Variants in GEN1 observed in about 807,000 individuals in gnomAD.
GEN1 encodes the protein GEN1 structure-specific endonuclease.
Under a neutral mutation model 67.6 loss-of-function variants are expected in GEN1, and 64 were observed. That is an observed-to-expected ratio of 0.95 (90% CI 0.77 to 1.17). GEN1 has a LOEUF of 1.17. Among genes scored for constraint, GEN1 ranks in the 50% most tolerant of loss-of-function variants. GEN1 has a pLI of 0.00. For synonymous variants in GEN1, 371 were observed against 359.4 expected (o/e 1.03, Z -0.37); for missense variants, 1,058 against 1,048.3 (o/e 1.01, Z -0.13).
chr2:17,760,082 A>G lies in GEN1; in HGVS notation c.139A>G (p.Ser47Gly). ...EAQTVKKMMG[S>G]VMKPHLRNLF... ...ACAGACAGTCAAAAAAATGATGGGC[A>G]GCGTCATGAAGCCCCACCTCAGGTA... Residue 47 changes from serine (S) to glycine (G), a missense_variant, in exon 2 of 14, where the codon AGC becomes GGC. Coordinates refer to ENST00000381254, the MANE Select transcript of GEN1 (RefSeq NM_001130009.3). 1 of 1,614,160 alleles carries G rather than the reference A, an allele frequency of 6.2e-7. No homozygotes were observed. The highest frequency in any genetic ancestry group is 8.5e-7 in the Non-Finnish European group (1 of 1,180,008).
chr2:17,787,016 A>G lies in GEN1; in HGVS notation c.*5077A>G, dbSNP rs1673080930. The G allele has an allele frequency of 1.3e-5, 2 of 152,226 alleles. No homozygotes were observed. The highest frequency in any genetic ancestry group is 6.5e-5 in the Admixed American group (1 of 15,278). The allele number at this position is 152,226 out of a possible 1,614,324, so 9.4% of individuals were successfully genotyped here. On this transcript the variant is annotated 3_prime_UTR_variant, in exon 14 of 14. Coordinates refer to ENST00000381254, the MANE Select transcript of GEN1 (RefSeq NM_001130009.3). ...TCTTCAGCTTCATGCATTCATAGTC[A>G]TGAACCTTGGCTCTAGCCACCTAAG...
rs1673060700 is a variant in GEN1 at position 17,786,394 on chromosome 2, A to G, written c.*4455A>G. ...ACTCTAGATTAGCATCACACAAGGGATCCTAACGTGGCATTTGAGCTACTG... is the reference window on the plus strand; with the variant it reads ...ACTCTAGATTAGCATCACACAAGGGGTCCTAACGTGGCATTTGAGCTACTG... On this transcript the variant is annotated 3_prime_UTR_variant, in exon 14 of 14. Coordinates refer to ENST00000381254, the MANE Select transcript of GEN1 (RefSeq NM_001130009.3). 6.6e-6 allele frequency: 1 copy of G among 152,182 alleles called. No individual in the cohort carries two copies. The highest frequency in any genetic ancestry group is 2.1e-4 in the South Asian group (1 of 4,828). The allele number at this position is 152,182 out of a possible 1,614,324, so 9.4% of individuals were successfully genotyped here.
rs897937340 is a variant in GEN1 at position 17,785,034 on chromosome 2, A to T, written c.*3095A>T. The T allele has an allele frequency of 6.6e-6, 1 of 152,254 alleles. No homozygotes were observed. The highest frequency in any genetic ancestry group is 1.5e-5 in the Non-Finnish European group (1 of 68,074). 9.4% of individuals were successfully genotyped at this position (152,254 alleles called of 1,614,324 possible). On this transcript the variant is annotated 3_prime_UTR_variant, in exon 14 of 14. Coordinates refer to ENST00000381254, the MANE Select transcript of GEN1 (RefSeq NM_001130009.3). ...AGATCAGCGGTGGCATTAGAGTCTC[A>T]TAGGAGCATGAACCCTATTGTGAAC...
chr2:17,780,804 T>G lies in GEN1; in HGVS notation c.1592T>G (p.Leu531Ter). 1 of 1,614,018 alleles carries G rather than the reference T, an allele frequency of 6.2e-7. No individual in the cohort carries two copies. The highest frequency in any genetic ancestry group is 8.5e-7 in the Non-Finnish European group (1 of 1,179,936). ...TCTGCCTCATTGAATAGCTTGCTTTTACCTAAAAATACTCCATGTTTGAAT... is the reference window on the plus strand; with the variant it reads ...TCTGCCTCATTGAATAGCTTGCTTTGACCTAAAAATACTCCATGTTTGAAT... The part of the protein sequence containing the change: ...SISASLNSLL[L>*]PKNTPCLNAQ... The change falls in exon 14 of 14, where the codon TTA (leucine) becomes TGA (stop). Residue 531 changes from leucine (L) to a stop codon, truncating the protein, a stop_gained. Transcript: ENST00000381254. LOFTEE classifies it low-confidence loss of function (END_TRUNC).
rs1673029137 is a variant in GEN1 at position 17,785,538 on chromosome 2, T to C, written c.*3599T>C. ...AAGGCCCTGCTCTGGCCTAACTGCT[T>C]TGGGCTTTGTGTAATCAATCTTAAG... On this transcript the variant is annotated 3_prime_UTR_variant, in exon 14 of 14. Transcript: ENST00000381254. 2 of 152,158 alleles carry C rather than the reference T, an allele frequency of 1.3e-5. No individual in the cohort carries two copies. The highest frequency in any genetic ancestry group is 2.9e-5 in the Non-Finnish European group (2 of 68,046). 9.4% of individuals were successfully genotyped at this position (152,158 alleles called of 1,614,324 possible).
chr2:17,759,329 G>A (rs938157402), intron 1 of GEN1, among the ~76,000 whole-genome samples: 1 of 152,186 alleles, frequency 6.6e-6, no homozygotes, highest in Non-Finnish European at 1.5e-5. Flanking sequence ...TTTTTAAAAT[G>A]TCATGTACGT....
intron 7 of GEN1, 109 bp from the exon 8 acceptor site, chr2:17,772,525 T>G: frequency 1.3e-6 from 1 of 799,678 alleles, no homozygotes; most frequent in Non-Finnish European, 2.0e-6. Context: ...CTAGGTAGTG[T>G]GCTAGGCAAT....
chr2:17,770,218 G>A (rs1360959486), intron 6 of GEN1, among the ~76,000 whole-genome samples: 1 of 152,110 alleles, frequency 6.6e-6, no homozygotes, highest in Non-Finnish European at 1.5e-5. Context: ...CAGCAAATAA[G>A]CACTGTTGAC....
rs1359027262 is a variant in GEN1, at chr2:17,783,758, C to T, written c.*1819C>T. 5 of 152,184 alleles carry T rather than the reference C, an allele frequency of 3.3e-5. No individual in the cohort carries two copies. 9.4% of individuals were successfully genotyped at this position (152,184 alleles called of 1,614,324 possible). ...CAATTCAATGGGAAAAGGAAACAGT[C>T]TTTGAACCAACTGTCTTCTGGATCT... On this transcript the variant is annotated 3_prime_UTR_variant, in exon 14 of 14. Coordinates refer to ENST00000381254, the MANE Select transcript of GEN1 (RefSeq NM_001130009.3).
chr2:17,777,195 A>G (rs1261382714), intron 11 of GEN1, among the ~76,000 whole-genome samples: 1 of 152,190 alleles, frequency 6.6e-6, no homozygotes, highest in Non-Finnish European at 1.5e-5. Context: ...ATGAACACAG[A>G]GGGAAGATGT....
Position 17,781,853 on chromosome 2 carries a change from C to G in GEN1, c.2641C>G (p.His881Asp). ...TKSSLSSLQC[H>D]KKENNSGTCL... ...AAGTTCTCTGAGTTCTCTACAATGT[C>G]ATAAGAAAGAAAACAACTCTGGTAC... Residue 881 changes from histidine (H) to aspartate (D), a missense_variant, in exon 14 of 14, where the codon CAT becomes GAT. Physicochemically the swap from His to Asp is moderately conservative, Grantham distance 81 (BLOSUM62 -1). Transcript: ENST00000381254. 6.5e-7 allele frequency: 1 copy of G among 1,543,062 alleles called. No homozygotes were observed. Among genetic ancestry groups the G allele is most frequent in the Non-Finnish European group, 8.8e-7 (1 of 1,137,404 alleles).
intron 1 of GEN1, chr2:17,755,242 C>A (rs982623509): frequency 4.6e-5 from 7 of 152,220 alleles, no homozygotes; most frequent in African/African-American, 1.7e-4. Context: ...TCCCTACTTA[C>A]ATGTCACTTG....
chr2:17,758,802 T>G (rs1054033019), intron 1 of GEN1, among the ~76,000 whole-genome samples: 18 of 149,924 alleles, frequency 1.2e-4, no homozygotes, highest in Non-Finnish European at 2.5e-4. Flanking sequence ...TGCACTGAGC[T>G]GAGATCTCGC....
chr2:17,783,122 A>C lies in GEN1; in HGVS notation c.*1183A>C, dbSNP rs1672923346. The C allele has an allele frequency of 1.3e-5, 2 of 152,240 alleles. No homozygotes were observed. Among genetic ancestry groups the C allele is most frequent in the Admixed American group, 1.3e-4 (2 of 15,272 alleles). The allele number at this position is 152,240 out of a possible 1,614,324, so 9.4% of individuals were successfully genotyped here. A position where few individuals can be genotyped will look rare whatever the true frequency, so the allele number is the denominator to read the frequency against. On this transcript the variant is annotated 3_prime_UTR_variant, in exon 14 of 14. Coordinates refer to ENST00000381254, the MANE Select transcript of GEN1 (RefSeq NM_001130009.3). ...GTCGAGACTGGGGTGTAGTGGCGCC[A>C]TCTTGGCTCACTGCAACCTCTGCCT...
At chr2:17,764,233 T>C (rs937078816) in intron 3 of GEN1, among the ~76,000 whole-genome samples, 1 of 152,184 alleles carries the variant, frequency 6.6e-6, no homozygotes, top group African/African-American at 2.4e-5. Context: ...AGAGTTTCAT[T>C]GTACAGGGAA....
chr2:17,777,787 G>C (rs538198642), intron 11 of GEN1, among the ~76,000 whole-genome samples: 1 of 151,736 alleles, frequency 6.6e-6, no homozygotes, highest in Non-Finnish European at 1.5e-5. Flanking sequence ...TGCATAATAA[G>C]GTAAGAAACA....
intron 2 of GEN1, among the ~76,000 whole-genome samples, chr2:17,760,519 A>G (rs1266480856): frequency 6.6e-6 from 1 of 152,118 alleles, no homozygotes; most frequent in Non-Finnish European, 1.5e-5. Context: ...TCTCTCATCT[A>G]TACTCCTGAA....
At chr2:17,764,629 G>A (rs2125127216) in intron 3 of GEN1, among the ~76,000 whole-genome samples, 1 of 152,128 alleles carries the variant, frequency 6.6e-6, no homozygotes, top group Admixed American at 6.6e-5. Context: ...TGTATTTCAT[G>A]TTTTCTAAAA....
At chr2:17,766,547 T>A (rs746360390) in intron 4 of GEN1, 32 bp from the exon 5 acceptor site, 48 of 1,126,306 alleles carry the variant, frequency 4.3e-5, no homozygotes, top group Non-Finnish European at 5.7e-5. Flanking sequence ...ATGTACTTTT[T>A]GAGGATTAAA....
Sources: gnomAD v4.1 joint callset for allele counts (sites outside exome capture counted in the v4.1 genomes callset) on GRCh38, gnomAD v4.1.1 for gene constraint, MANE v1.5 for transcripts, NCBI Gene and HGNC (gene_info 2026-07-23, HGNC 2026-07-21) for gene names.